The following SYNPO2 variants were observed in gnomAD, a reference collection of about 807,000 sequenced individuals.
The protein encoded by SYNPO2 is synaptopodin 2.
In SYNPO2, 56 loss-of-function variants were observed where a neutral mutation model predicts 85.0. That is an observed-to-expected ratio of 0.66 (90% CI 0.53 to 0.82). SYNPO2 has a LOEUF of 0.82. SYNPO2 is among the 40% of genes least tolerant of loss of function. The pLI, the probability that SYNPO2 is intolerant of heterozygous loss-of-function variation, is 0.00. For missense variants in SYNPO2, 1,575 were observed against 1,534.2 expected (o/e 1.03, Z -0.44); for synonymous variants, 602 against 591.1 (o/e 1.02, Z -0.27).
chr4:118,913,848 TA>T (rs1733223102), intron 1 of SYNPO2, among the ~76,000 whole-genome samples: 1 of 152,156 alleles, frequency 6.6e-6, no homozygotes, highest in African/African-American at 2.4e-5. Flanking sequence ...TCTTATTCAT[TA>T]AAAATTATTT....
At chr4:118,967,642 G>T (rs1313684053) in intron 1 of SYNPO2, among the ~76,000 whole-genome samples, 1 of 152,166 alleles carries the variant, frequency 6.6e-6, no homozygotes, top group Non-Finnish European at 1.5e-5. Context: ...GGGGAAACGG[G>T]TATAGCACAA....
upstream of SYNPO2, chr4:118,888,799 C>G (rs1377308327): frequency 1.9e-6 from 1 of 538,924 alleles, no homozygotes; most frequent in East Asian, 3.2e-5. Flanking sequence ...CAAGAGTGGG[C>G]TGTGTCCTGG....
intron 4 of SYNPO2, among the ~76,000 whole-genome samples, chr4:119,041,441 T>C (rs1016179480): frequency 6.6e-6 from 1 of 152,148 alleles, no homozygotes; most frequent in Non-Finnish European, 1.5e-5. Context: ...TAAGGTTTCA[T>C]TGCAATCCTT....
chr4:118,909,781 A>G (rs540467895), intron 1 of SYNPO2, among the ~76,000 whole-genome samples: 3 of 152,192 alleles, frequency 2.0e-5, no homozygotes, highest in Admixed American at 6.5e-5. Flanking sequence ...GAGCATTGCC[A>G]TTACACTTAT....
chr4:118,901,703 G>T (rs1313545170), intron 1 of SYNPO2, among the ~76,000 whole-genome samples: 1 of 152,142 alleles, frequency 6.6e-6, no homozygotes, highest in Non-Finnish European at 1.5e-5. Flanking sequence ...ATAATATATT[G>T]CAAAATACTG....
chr4:118,859,374 T>C (rs745708885), intron 1 of SYNPO2, among the ~76,000 whole-genome samples: 7 of 152,198 alleles, frequency 4.6e-5, no homozygotes, highest in Non-Finnish European at 1.0e-4. Context: ...TCAGGGTAAA[T>C]GGGGTATCTC....
At chr4:118,991,139 C>T (rs1472859422) in intron 1 of SYNPO2, among the ~76,000 whole-genome samples, 1 of 151,964 alleles carries the variant, frequency 6.6e-6, no homozygotes, top group Non-Finnish European at 1.5e-5. Context: ...TGCGTGACCA[C>T]TTTTTATTTA....
rs138463379 is a variant in SYNPO2 at position 118,946,022 on chromosome 4, G to A, written c.105+56881G>A. Reference sequence around the variant, plus strand: ...GCCTCCCGAAGTGCTGGGATTATAGGCGTGAGCCACCACGCCTGGCCAATA... The same window carrying A: ...GCCTCCCGAAGTGCTGGGATTATAGACGTGAGCCACCACGCCTGGCCAATA... On this transcript the variant is annotated intron_variant, in intron 1 of 4. Transcript: ENST00000307142. Among the ~76,000 whole-genome samples the A allele has an allele frequency of 7.4e-3, 1,120 of 152,288 alleles. 14 individuals carry two copies. The highest frequency in any genetic ancestry group is 0.021 in the African/African-American group (890 of 41,552).
At chr4:118,866,096 A>G (rs1731694738) in intron 1 of SYNPO2, among the ~76,000 whole-genome samples, 2 of 152,194 alleles carry the variant, frequency 1.3e-5, no homozygotes, top group Admixed American at 6.5e-5. Context: ...AATAAGAATT[A>G]TAAACCCCTT....
chr4:118,969,615 CAAT>C (rs1047842488), intron 1 of SYNPO2, among the ~76,000 whole-genome samples: 7 of 152,172 alleles, frequency 4.6e-5, no homozygotes, highest in African/African-American at 1.7e-4. Flanking sequence ...AAAATCCCAA[CAAT>C]GAGGTAGCCA....
At chr4:119,011,051 G>A (rs111409310) in intron 1 of SYNPO2, among the ~76,000 whole-genome samples, 220 of 152,284 alleles carry the variant, frequency 1.4e-3, no homozygotes, top group African/African-American at 5.1e-3. Flanking sequence ...TTAGTCAATC[G>A]CAGCAGGGAG....
chr4:119,000,566 T>C (rs1736787758), intron 1 of SYNPO2, among the ~76,000 whole-genome samples: 1 of 152,138 alleles, frequency 6.6e-6, no homozygotes, highest in South Asian at 2.1e-4. Context: ...CTATAGTTGC[T>C]CACATTACAC....
At chr4:118,906,601 G>T (rs1732944960) in intron 1 of SYNPO2, among the ~76,000 whole-genome samples, 1 of 152,132 alleles carries the variant, frequency 6.6e-6, no homozygotes, top group Admixed American at 6.5e-5. Flanking sequence ...AAATAAGGAA[G>T]TGTTTTCTGG....
intron 1 of SYNPO2, among the ~76,000 whole-genome samples, chr4:118,921,778 T>TGC (rs888647753): frequency 1.6e-5 from 2 of 122,014 alleles, no homozygotes; most frequent in African/African-American, 6.7e-5. Context: ...ACTTTTCATA[T>TGC]GCACACACAC....
intron 1 of SYNPO2, among the ~76,000 whole-genome samples, chr4:118,901,500 G>A (rs974580822): frequency 6.6e-6 from 1 of 152,184 alleles, no homozygotes; most frequent in African/African-American, 2.4e-5. Context: ...ACAATATGAT[G>A]AAAAGTATCC....
chr4:118,926,191 C>G (rs1733704917), intron 1 of SYNPO2, among the ~76,000 whole-genome samples: 2 of 152,130 alleles, frequency 1.3e-5, no homozygotes, highest in Non-Finnish European at 2.9e-5. Flanking sequence ...GCTAGAGAGG[C>G]AGGCAGAGGC....
rs543950357 is a variant in SYNPO2 at position 118,951,078 on chromosome 4, A to G, written c.105+61937A>G. ...TATTGACATTGTGGTCTTGCTATTT[A>G]TATCTCCTGTCTTATTTCTCTGTGT... On this transcript the variant is annotated intron_variant, in intron 1 of 4. Transcript: ENST00000307142. Among the ~76,000 whole-genome samples, 79 of 152,326 alleles carry G rather than the reference A, an allele frequency of 5.2e-4. 1 individual carries two copies. The South Asian group carries it at 0.016, about 31-fold the overall frequency.
intron 1 of SYNPO2, among the ~76,000 whole-genome samples, chr4:118,868,951 G>T (rs776228406): frequency 6.6e-6 from 1 of 152,182 alleles, no homozygotes; most frequent in Non-Finnish European, 1.5e-5. Flanking sequence ...CAGCATGACC[G>T]CAGGAGATGT....
chr4:119,004,102 T>C (rs758420655), intron 1 of SYNPO2, among the ~76,000 whole-genome samples: 2 of 152,308 alleles, frequency 1.3e-5, no homozygotes, highest in East Asian at 3.9e-4. Flanking sequence ...CCTTTACTGT[T>C]CCACAAATTC....
Sources: allele counts gnomAD v4.1 joint callset (sites outside exome capture counted in the v4.1 genomes callset), GRCh38; gene constraint gnomAD v4.1.1; transcripts MANE v1.5; gene names NCBI Gene and HGNC (gene_info 2026-07-23, HGNC 2026-07-21).